LDB2: variants seen among roughly 807,000 people sequenced by gnomAD.
LDB2 encodes LIM domain-binding protein 2.
Under a neutral mutation model 44.3 loss-of-function variants are expected in LDB2, and 12 were observed. The ratio of observed to expected loss-of-function variants is 0.27; its 90% CI spans 0.17 to 0.44. The LOEUF is 0.44. LDB2 is among the 20% of genes least tolerant of loss of function. LDB2 has a pLI of 1.00. For missense variants in LDB2, 344 were observed against 473.5 expected, an observed-to-expected ratio of 0.73 and a Z score of 2.54; for synonymous variants, 164 against 174.8, an observed-to-expected ratio of 0.94 and a Z score of 0.49.
At position 16,593,940 on chromosome 4, in the gene LDB2, A is replaced by T. The variant is rs141063860; in HGVS notation, c.408+1763T>A. On this transcript the variant is annotated intron_variant, in intron 3 of 7. Coordinates refer to ENST00000304523, the MANE Select transcript of LDB2 (RefSeq NM_001290.5). The stretch of plus-strand genomic sequence containing the variant: ...TCAGCACTAAACTTTCAGAGCAGCT[A>T]TGTTCATTTATGAATCAGTTTTGGC... Among the ~76,000 whole-genome samples, 288 of 152,342 alleles carry T rather than the reference A, an allele frequency of 1.9e-3. 2 individuals are homozygous for T. The highest frequency in any genetic ancestry group is 6.5e-3 in the African/African-American group (272 of 41,576).
intron 2 of LDB2, among the ~76,000 whole-genome samples, chr4:16,596,943 T>C (rs1383446339): frequency 2.6e-5 from 4 of 152,202 alleles, no homozygotes; most frequent in Admixed American, 6.5e-5. Flanking sequence ...TCTCAAGCAA[T>C]CCAAGGTTTT....
At chr4:16,776,686 T>C (rs1771982673) in intron 1 of LDB2, among the ~76,000 whole-genome samples, 1 of 152,156 alleles carries the variant, frequency 6.6e-6, no homozygotes, top group South Asian at 2.1e-4. Flanking sequence ...GGATGACAAA[T>C]AATGAAAAAG....
At chr4:16,648,496 A>G (rs1468450649) in intron 2 of LDB2, among the ~76,000 whole-genome samples, 1 of 152,182 alleles carries the variant, frequency 6.6e-6, no homozygotes, top group Non-Finnish European at 1.5e-5. Context: ...CTTCTTGCCA[A>G]CTGGCACCAG....
At chr4:16,546,826 G>C (rs1433304425) in intron 5 of LDB2, among the ~76,000 whole-genome samples, 1 of 152,074 alleles carries the variant, frequency 6.6e-6, no homozygotes, top group Non-Finnish European at 1.5e-5. Flanking sequence ...ACCTCCTTCA[G>C]CTTCTGATAG....
rs143751171 is a variant in LDB2, at chr4:16,572,262, T to A, written c.615+13660A>T. Among the ~76,000 whole-genome samples the A allele has an allele frequency of 3.9e-5, 6 of 152,322 alleles. No homozygotes were observed. The East Asian group carries it at 1.2e-3, about 29-fold the overall frequency. ...TTGTTTTTTAACCATTCTAGACAATTGGGAAGACTGTTTCCTGGGAGCAAC... is the reference window on the plus strand; with the variant it reads ...TTGTTTTTTAACCATTCTAGACAATAGGGAAGACTGTTTCCTGGGAGCAAC... On this transcript the variant is annotated intron_variant, in intron 5 of 7. Coordinates refer to ENST00000304523, the MANE Select transcript of LDB2 (RefSeq NM_001290.5).
intron 1 of LDB2, among the ~76,000 whole-genome samples, chr4:16,790,285 A>G (rs887051299): frequency 2.6e-5 from 4 of 152,208 alleles, no homozygotes; most frequent in Non-Finnish European, 4.4e-5. Flanking sequence ...TCAGGTCTGC[A>G]TGCCCTCAAA....
At chr4:16,732,976 C>T (rs929781610) in intron 2 of LDB2, among the ~76,000 whole-genome samples, 2 of 152,172 alleles carry the variant, frequency 1.3e-5, no homozygotes, top group Non-Finnish European at 2.9e-5. Flanking sequence ...ACCTGCTGGG[C>T]CAGCTGCTGA....
intron 1 of LDB2, among the ~76,000 whole-genome samples, chr4:16,896,456 TC>T (rs1438568995): frequency 5.9e-5 from 9 of 152,096 alleles, no homozygotes; most frequent in Non-Finnish European, 1.3e-4. Flanking sequence ...CAGATAAGTC[TC>T]CTAGCTCAGA....
At chr4:16,787,205 G>T (rs980199137) in intron 1 of LDB2, among the ~76,000 whole-genome samples, 3 of 152,138 alleles carry the variant, frequency 2.0e-5, no homozygotes, top group Non-Finnish European at 2.9e-5. Flanking sequence ...CAGCTATGCT[G>T]TGTCAAAGAT....
At chr4:16,834,093 GTTC>G (rs1334017118) in intron 1 of LDB2, among the ~76,000 whole-genome samples, 1 of 152,182 alleles carries the variant, frequency 6.6e-6, no homozygotes, top group Non-Finnish European at 1.5e-5. Context: ...ATGGCACTTA[GTTC>G]TTCTTGATAC....
chr4:16,560,926 T>G (rs911740915), intron 5 of LDB2, among the ~76,000 whole-genome samples: 141 of 152,294 alleles, frequency 9.3e-4, no homozygotes, highest in African/African-American at 3.2e-3. Flanking sequence ...CACAAATCAA[T>G]AAATGTAATC....
At chr4:16,805,712 T>C (rs1404010314) in intron 1 of LDB2, among the ~76,000 whole-genome samples, 1 of 152,174 alleles carries the variant, frequency 6.6e-6, no homozygotes, top group African/African-American at 2.4e-5. Context: ...GGATAGCAAT[T>C]ACAGGGACGA....
At chr4:16,625,728 C>A (rs1730117544) in intron 2 of LDB2, among the ~76,000 whole-genome samples, 1 of 152,190 alleles carries the variant, frequency 6.6e-6, no homozygotes, top group Non-Finnish European at 1.5e-5. Flanking sequence ...AGTTTAAGCA[C>A]ACTCCCAAAG....
intron 2 of LDB2, among the ~76,000 whole-genome samples, chr4:16,681,760 A>G (rs1200562402): frequency 6.6e-6 from 1 of 150,494 alleles, no homozygotes; most frequent in East Asian, 2.0e-4. Flanking sequence ...TTTAGTAGAG[A>G]CGGGGTTTCA....
intron 2 of LDB2, chr4:16,752,360 A>G (rs1403275991): frequency 4.5e-6 from 2 of 442,796 alleles, no homozygotes; most frequent in African/African-American, 2.0e-5. Context: ...CCTCTGTTGG[A>G]CAGATGTGGT....
intron 5 of LDB2, among the ~76,000 whole-genome samples, chr4:16,566,368 C>T (rs572167288): frequency 6.6e-6 from 1 of 152,092 alleles, no homozygotes; most frequent in Non-Finnish European, 1.5e-5. Context: ...AATTGGAATA[C>T]AGAAATGGGC....
chr4:16,618,661 G>T (rs534115676), intron 2 of LDB2, among the ~76,000 whole-genome samples: 1 of 152,284 alleles, frequency 6.6e-6, no homozygotes, highest in Non-Finnish European at 1.5e-5. Flanking sequence ...GGCCGATTCA[G>T]GTATGGAATA....
intron 2 of LDB2, among the ~76,000 whole-genome samples, chr4:16,727,344 G>A (rs545092467): frequency 6.6e-6 from 1 of 152,314 alleles, no homozygotes; most frequent in Non-Finnish European, 1.5e-5. Flanking sequence ...GGTGTCCCAG[G>A]GATGATAAAA....
At chr4:16,830,831 G>A (rs138453029) in intron 1 of LDB2, among the ~76,000 whole-genome samples, 1 of 152,282 alleles carries the variant, frequency 6.6e-6, no homozygotes, top group African/African-American at 2.4e-5. Context: ...AAGGAAGATG[G>A]CTGATCCAAT....
Sources: gnomAD v4.1 joint callset for allele counts (sites outside exome capture counted in the v4.1 genomes callset) on GRCh38, gnomAD v4.1.1 for gene constraint, MANE v1.5 for transcripts, NCBI Gene and HGNC (gene_info 2026-07-23, HGNC 2026-07-21) for gene names.